HSD17B12: variants seen among roughly 807,000 people sequenced by gnomAD.
HSD17B12 encodes hydroxysteroid 17-beta dehydrogenase 12.
A neutral mutation model predicts 39.3 loss-of-function variants in HSD17B12; 32 were observed. That is an observed-to-expected ratio of 0.81 (90% CI 0.61 to 1.09). The LOEUF (loss-of-function observed/expected upper bound fraction) is 1.09. Ranked by LOEUF, HSD17B12 falls within the 50% of genes least tolerant of loss-of-function variation. HSD17B12 has a pLI of 0.00. For synonymous variants in HSD17B12, 150 were observed against 146.7 expected (o/e 1.02, Z -0.16); for missense variants, 342 against 382.9 (o/e 0.89, Z 0.89).
At chr11:43,601,820 C>T in the HSD17B12 span, among the ~76,000 whole-genome samples, 1 of 152,282 alleles carries the variant, frequency 6.6e-6, no homozygotes, top group African/African-American at 2.4e-5. Context: ...CTAAGAGATC[C>T]TCTCAGTTTG....
the HSD17B12 span, among the ~76,000 whole-genome samples, chr11:43,607,679 A>G: frequency 6.6e-6 from 1 of 152,242 alleles, no homozygotes; most frequent in Admixed American, 6.5e-5. Context: ...TAAAAGGCAT[A>G]TAACGGTCAT....
At chr11:43,798,280 T>G (rs752703869) in intron 3 of HSD17B12, 40 bp from the exon 4 acceptor site, 4 of 1,230,940 alleles carry the variant, frequency 3.2e-6, no homozygotes, top group Non-Finnish European at 4.8e-6. Flanking sequence ...ATGTACTAAT[T>G]TTCCCTGTCT....
chr11:43,820,813 G>T (rs1951175175), intron 6 of HSD17B12, among the ~76,000 whole-genome samples: 1 of 152,232 alleles, frequency 6.6e-6, no homozygotes, highest in South Asian at 2.1e-4. Context: ...CTACTTTGGA[G>T]ATGTTTGCTG....
intron 10 of HSD17B12, 58 bp downstream of exon 10, chr11:43,854,922 T>C: frequency 6.4e-7 from 1 of 1,559,438 alleles, no homozygotes; most frequent in Non-Finnish European, 8.8e-7. Flanking sequence ...TTCTTTCCCA[T>C]TGAGTTACAG....
the HSD17B12 span, among the ~76,000 whole-genome samples, chr11:43,567,454 G>A: frequency 4.6e-5 from 7 of 152,230 alleles, no homozygotes; most frequent in African/African-American, 1.7e-4. Context: ...CTGTGCTGAG[G>A]TCTCCAGTTT....
intron 4 of HSD17B12, among the ~76,000 whole-genome samples, chr11:43,801,167 A>T (rs1480877260): frequency 6.6e-6 from 1 of 152,116 alleles, no homozygotes; most frequent in African/African-American, 2.4e-5. Flanking sequence ...GCTATACTGC[A>T]TTATTTATGT....
the HSD17B12 span, among the ~76,000 whole-genome samples, chr11:43,610,878 T>C: frequency 6.6e-6 from 1 of 152,170 alleles, no homozygotes; most frequent in East Asian, 1.9e-4. Context: ...ACCCAGGGAA[T>C]ATATCAGATC....
chr11:43,606,881 C>G, the HSD17B12 span, among the ~76,000 whole-genome samples: 18,547 of 152,172 alleles, frequency 0.12, 1,421 homozygotes, highest in Middle Eastern at 0.26. Flanking sequence ...AATCAGATGA[C>G]TTGAAAACAC....
chr11:43,580,388 G>T, the HSD17B12 span, among the ~76,000 whole-genome samples: 2 of 131,508 alleles, frequency 1.5e-5, no homozygotes, highest in South Asian at 5.8e-4. Flanking sequence ...GGGCGGGGGG[G>T]TGGGCTGCAG....
chr11:43,719,555 C>T (rs1950156842), intron 1 of HSD17B12, among the ~76,000 whole-genome samples: 1 of 151,600 alleles, frequency 6.6e-6, no homozygotes, highest in Non-Finnish European at 1.5e-5. Flanking sequence ...CACCCATCTA[C>T]TATGGTCCAA....
chr11:43,765,934 C>T (rs945585091), intron 3 of HSD17B12, among the ~76,000 whole-genome samples: 6 of 151,994 alleles, frequency 3.9e-5, no homozygotes, highest in Non-Finnish European at 7.4e-5. Flanking sequence ...CCCGGGTTCA[C>T]GCCATTCTCC....
At chr11:43,724,043 A>T (rs920754912) in intron 1 of HSD17B12, 1 of 152,112 alleles carries the variant, frequency 6.6e-6, no homozygotes, top group African/African-American at 2.4e-5. Flanking sequence ...CAGTTCATTC[A>T]TCTATCTGCA....
At chr11:43,646,687 T>A in the HSD17B12 span, among the ~76,000 whole-genome samples, 1 of 152,212 alleles carries the variant, frequency 6.6e-6, no homozygotes, top group Non-Finnish European at 1.5e-5. Context: ...TCTCTGCATT[T>A]GCATAGAGCC....
chr11:43,580,721 C>A, the HSD17B12 span, among the ~76,000 whole-genome samples: 3 of 151,820 alleles, frequency 2.0e-5, no homozygotes, highest in Admixed American at 6.6e-5. Context: ...TCCTGAACCG[C>A]TTTTTTTGGC....
intron 3 of HSD17B12, among the ~76,000 whole-genome samples, chr11:43,765,446 T>C (rs1950586946): frequency 6.6e-6 from 1 of 152,086 alleles, no homozygotes; most frequent in Non-Finnish European, 1.5e-5. Context: ...TTCTGGTTAC[T>C]TCTAAGATTT....
At chr11:43,566,147 C>G in the HSD17B12 span, among the ~76,000 whole-genome samples, 2 of 152,182 alleles carry the variant, frequency 1.3e-5, no homozygotes, top group African/African-American at 4.8e-5. Flanking sequence ...GTAATAGGGA[C>G]TGTTTCATTG....
the HSD17B12 span, among the ~76,000 whole-genome samples, chr11:43,651,681 A>C: frequency 6.6e-6 from 1 of 152,194 alleles, no homozygotes; most frequent in African/African-American, 2.4e-5. Context: ...CCTAGGTTCA[A>C]GTGATTCCTG....
intron 1 of HSD17B12, among the ~76,000 whole-genome samples, chr11:43,710,089 A>C (rs1387046925): frequency 6.6e-6 from 1 of 152,154 alleles, no homozygotes; most frequent in East Asian, 1.9e-4. Context: ...GGAAATTGGG[A>C]GATACGTTTC....
chr11:43,812,192 G>A (rs1305731548), intron 4 of HSD17B12, among the ~76,000 whole-genome samples: 1 of 152,136 alleles, frequency 6.6e-6, no homozygotes, highest in Non-Finnish European at 1.5e-5. Context: ...GGGGGTGCAG[G>A]TATCTATTTG....
Sources: allele counts gnomAD v4.1 joint callset (sites outside exome capture counted in the v4.1 genomes callset), GRCh38; gene constraint gnomAD v4.1.1; transcripts MANE v1.5; gene names NCBI Gene and HGNC (gene_info 2026-07-23, HGNC 2026-07-21).